Variants in HIPK3 observed in about 807,000 individuals in gnomAD.
HIPK3 encodes homeodomain-interacting protein kinase 3.
HIPK3 carries 47 observed loss-of-function variants against 124.2 expected under a neutral mutation model. The ratio of observed to expected loss-of-function variants is 0.38; its 90% CI spans 0.30 to 0.48. The LOEUF is 0.48. HIPK3 is among the 20% of genes least tolerant of loss of function. The pLI, the probability that HIPK3 is intolerant of heterozygous loss-of-function variation, is 0.98. For missense variants in HIPK3, 1,286 were observed against 1,454.3 expected, an observed-to-expected ratio of 0.88 and a Z score of 1.88; for synonymous variants, 482 against 515.2, an observed-to-expected ratio of 0.94 and a Z score of 0.87.
intron 2 of HIPK3, among the ~76,000 whole-genome samples, chr11:33,320,944 T>TAG (rs560619522): frequency 9.1e-4 from 138 of 152,226 alleles, no homozygotes; most frequent in Non-Finnish European, 1.5e-3. Context: ...GTCTTAAGAA[T>TAG]AGAGGTGCTT....
chr11:33,280,514 A>G (rs1005934), intron 1 of HIPK3, among the ~76,000 whole-genome samples: 32,754 of 152,142 alleles, frequency 0.22, 4,166 homozygotes, highest in East Asian at 0.37. Context: ...CTCCAGCACC[A>G]CCACCTATGC....
intron 2 of HIPK3, among the ~76,000 whole-genome samples, chr11:33,307,372 A>G (rs1852192287): frequency 6.7e-6 from 1 of 150,004 alleles, no homozygotes; most frequent in Non-Finnish European, 1.5e-5. Context: ...AGTCAAGTGT[A>G]TTGACTAAAT....
rs1853783903 is a variant in HIPK3, at chr11:33,355,185, GA to G, written c.*1619del. ...AATTTCTGTATAAGTCTAATTACAT[GA>G]ATAGAAATTGGGGTTTTGATTTTTT... On this transcript the variant is annotated 3_prime_UTR_variant, in exon 17 of 17. Coordinates refer to ENST00000303296, the MANE Select transcript of HIPK3 (RefSeq NM_005734.5). The G allele has an allele frequency of 2.0e-5, 3 of 152,018 alleles. No individual in the cohort carries two copies. The allele number at this position is 152,018 out of a possible 1,614,324, so 9.4% of individuals were successfully genotyped here.
chr11:33,331,195 C>T (rs1852971901), intron 3 of HIPK3, among the ~76,000 whole-genome samples: 2 of 151,856 alleles, frequency 1.3e-5, no homozygotes, highest in South Asian at 4.1e-4. Flanking sequence ...ATATGTTTCT[C>T]AGAACAGCTT....
At chr11:33,289,248 T>C (rs905921028) in intron 2 of HIPK3, among the ~76,000 whole-genome samples, 4 of 152,010 alleles carry the variant, frequency 2.6e-5, no homozygotes, top group Non-Finnish European at 5.9e-5. Flanking sequence ...AAGATCAGCC[T>C]GGGCAACAGA....
chr11:33,317,171 G>A (rs775338928), intron 2 of HIPK3, among the ~76,000 whole-genome samples: 6 of 151,116 alleles, frequency 4.0e-5, no homozygotes, highest in South Asian at 2.1e-4. Context: ...GGGTTTTGCC[G>A]TATTGGCCAA....
At chr11:33,320,787 G>A (rs1479163442) in intron 2 of HIPK3, among the ~76,000 whole-genome samples, 1 of 152,190 alleles carries the variant, frequency 6.6e-6, no homozygotes, top group Non-Finnish European at 1.5e-5. Context: ...TGTGAGAGAA[G>A]TGAGTTTGGG....
At chr11:33,274,679 A>G (rs894572548) in intron 1 of HIPK3, among the ~76,000 whole-genome samples, 1 of 152,204 alleles carries the variant, frequency 6.6e-6, no homozygotes, top group East Asian at 1.9e-4. Context: ...TTAAAAATCT[A>G]GAGAATTATC....
intron 2 of HIPK3, among the ~76,000 whole-genome samples, chr11:33,328,056 G>C (rs1287479306): frequency 6.6e-6 from 1 of 152,162 alleles, no homozygotes; most frequent in Admixed American, 6.5e-5. Flanking sequence ...ACTGTATTCT[G>C]AAGTAATATC....
chr11:33,319,753 G>A (rs1852609214), intron 2 of HIPK3, among the ~76,000 whole-genome samples: 1 of 152,094 alleles, frequency 6.6e-6, no homozygotes, highest in African/African-American at 2.4e-5. Context: ...TTATGTGTTG[G>A]GAATATAGCA....
intron 1 of HIPK3, among the ~76,000 whole-genome samples, chr11:33,272,656 C>T (rs1851159188): frequency 6.6e-6 from 1 of 151,094 alleles, no homozygotes; most frequent in African/African-American, 2.4e-5. Flanking sequence ...CTTCCCTTCC[C>T]TTTTCCTTTT....
intron 1 of HIPK3, among the ~76,000 whole-genome samples, chr11:33,271,165 G>A (rs985091633): frequency 6.6e-6 from 1 of 151,938 alleles, no homozygotes; most frequent in Non-Finnish European, 1.5e-5. Flanking sequence ...CATTCTAAGT[G>A]TTTGTTAATA....
At chr11:33,307,955 A>G (rs1163007595) in intron 2 of HIPK3, among the ~76,000 whole-genome samples, 4 of 152,186 alleles carry the variant, frequency 2.6e-5, no homozygotes, top group African/African-American at 7.2e-5. Context: ...GATTTCCCTT[A>G]TGATTATGAT....
chr11:33,299,652 C>G (rs1453652248), intron 2 of HIPK3, among the ~76,000 whole-genome samples: 1 of 152,136 alleles, frequency 6.6e-6, no homozygotes, highest in Non-Finnish European at 1.5e-5. Flanking sequence ...GTGGGTAAAA[C>G]ATCATTAAAT....
intron 2 of HIPK3, among the ~76,000 whole-genome samples, chr11:33,318,254 TG>T (rs1852563720): frequency 6.6e-6 from 1 of 152,008 alleles, no homozygotes; most frequent in African/African-American, 2.4e-5. Flanking sequence ...TTTATAGAGA[TG>T]GGGGTCTCAC....
chr11:33,341,710 T>C, intron 8 of HIPK3, 24 bp downstream of exon 8: 1 of 1,583,136 alleles, frequency 6.3e-7, no homozygotes, highest in Non-Finnish European at 8.6e-7. Flanking sequence ...TAAATTTTGC[T>C]TTGAATCTAG....
At chr11:33,284,792 G>C (rs1400604209) in intron 1 of HIPK3, among the ~76,000 whole-genome samples, 1 of 152,190 alleles carries the variant, frequency 6.6e-6, no homozygotes, top group Non-Finnish European at 1.5e-5. Flanking sequence ...TTTTGTGCAA[G>C]TAGAAAACAT....
At chr11:33,309,149 A>AT (rs1852251381) in intron 2 of HIPK3, among the ~76,000 whole-genome samples, 2 of 152,066 alleles carry the variant, frequency 1.3e-5, no homozygotes, top group Non-Finnish European at 2.9e-5. Flanking sequence ...TTATTTATTT[A>AT]TTTTTTATTT....
intron 2 of HIPK3, among the ~76,000 whole-genome samples, chr11:33,287,783 T>G (rs1439564753): frequency 6.6e-6 from 1 of 152,166 alleles, no homozygotes; most frequent in African/African-American, 2.4e-5. Flanking sequence ...GATAGGTGAT[T>G]AATAATGATC....
Sources: allele counts gnomAD v4.1 joint callset (sites outside exome capture counted in the v4.1 genomes callset), GRCh38; gene constraint gnomAD v4.1.1; transcripts MANE v1.5; gene names NCBI Gene and HGNC (gene_info 2026-07-23, HGNC 2026-07-21).